Variants in PRUNE2 observed in about 807,000 individuals in gnomAD.
PRUNE2 encodes prune homolog 2 with BCH domain.
In PRUNE2, 164 loss-of-function variants were observed where a neutral mutation model predicts 252.0. The observed-to-expected ratio is 0.65, with a 90% CI of 0.57 to 0.74. PRUNE2 has a LOEUF of 0.74. Ranked by LOEUF, PRUNE2 falls within the 30% of genes least tolerant of loss-of-function variation. The probability of loss-of-function intolerance (pLI) is 0.00; values close to 1 mark genes in which losing one functional copy is unlikely to be tolerated. For synonymous variants in PRUNE2, 1,292 were observed against 1,350.2 expected (o/e 0.96, Z 0.94); for missense variants, 3,495 against 3,711.0 (o/e 0.94, Z 1.51).
Position 76,660,798 on chromosome 9 carries a change from A to AAAAG in PRUNE2, c.8277-5300_8277-5297dup, listed in dbSNP as rs1554669338. Among the ~76,000 whole-genome samples, 335 of 140,934 alleles carry AAAAG rather than the reference A, an allele frequency of 2.4e-3. 2 individuals are homozygous for AAAAG. Among genetic ancestry groups the AAAAG allele is most frequent in the Middle Eastern group, 0.011 (3 of 276 alleles). The allele number at this position is 140,934 out of a possible 152,430, so 92.5% of individuals were successfully genotyped here. A position where few individuals can be genotyped will look rare whatever the true frequency, so the allele number is the denominator to read the frequency against. Reference sequence around the variant, plus strand: ...CTCTGAATCAAAAAAAAAAAAAAAAAAAAGAAAGAAAGAAAGAATCAGATG... The same window carrying AAAAG: ...CTCTGAATCAAAAAAAAAAAAAAAAAAAAGAAAGAAAGAAAGAAAGAATCAGATG... On this transcript the variant is annotated intron_variant, in intron 9 of 18. Coordinates refer to ENST00000376718, the MANE Select transcript of PRUNE2 (RefSeq NM_015225.3).
chr9:76,833,329 G>C (rs10869833), intron 4 of PRUNE2, among the ~76,000 whole-genome samples: 43,208 of 151,724 alleles, frequency 0.28, 6,307 homozygotes, highest in Middle Eastern at 0.4. Flanking sequence ...TATTAATAAA[G>C]AGGAAAAATC....
chr9:76,729,237 T>C (rs1292013098), intron 6 of PRUNE2, among the ~76,000 whole-genome samples: 1 of 152,196 alleles, frequency 6.6e-6, no homozygotes, highest in African/African-American at 2.4e-5. Context: ...CCTCAAACTT[T>C]AGCTGAACTC....
intron 1 of PRUNE2, among the ~76,000 whole-genome samples, chr9:76,887,231 A>G (rs2062156714): frequency 6.6e-6 from 1 of 152,134 alleles, no homozygotes; most frequent in South Asian, 2.1e-4. Flanking sequence ...ATCCCAAATG[A>G]AAACAACCCC....
chr9:76,723,123 G>T (rs182778411), intron 6 of PRUNE2, among the ~76,000 whole-genome samples: 1 of 152,250 alleles, frequency 6.6e-6, no homozygotes, highest in Non-Finnish European at 1.5e-5. Flanking sequence ...GAACTGTAGG[G>T]TGACTGTTAA....
rs149741372 is a variant in PRUNE2 at position 76,796,323 on chromosome 9, G to A, written c.756+27309C>T. Among the ~76,000 whole-genome samples, 675 of 152,184 alleles carry A rather than the reference G, an allele frequency of 4.4e-3. 5 individuals carry two copies. The highest frequency in any genetic ancestry group is 0.027 in the Middle Eastern group (8 of 294). ...ACAAGGGCTGATAAAATAAAGCCTCGCTACGATCATTACCCCAGGGCACAG... is the reference window on the plus strand; with the variant it reads ...ACAAGGGCTGATAAAATAAAGCCTCACTACGATCATTACCCCAGGGCACAG... On this transcript the variant is annotated intron_variant, in intron 6 of 18. Transcript: ENST00000376718.
At chr9:76,654,005 G>A (rs2133330702) in intron 10 of PRUNE2, among the ~76,000 whole-genome samples, 1 of 152,264 alleles carries the variant, frequency 6.6e-6, no homozygotes. Flanking sequence ...CTTTGGCCCT[G>A]GTTCCAGGCA....
intron 9 of PRUNE2, among the ~76,000 whole-genome samples, chr9:76,673,681 C>A (rs1489690094): frequency 2.7e-4 from 41 of 149,280 alleles, no homozygotes; most frequent in Admixed American, 2.3e-3. Context: ...ACGAATCCAG[C>A]AGCACATCAA....
In PRUNE2 at chr9:76,688,435, A is replaced by C. The variant is rs115720251; in HGVS notation, c.8276+14902T>G. ...TTGCTTGCTTATATGAACTTATATCAAGTAACTCACCAAGGCTGCAGGTTC... is the reference window on the plus strand; with the variant it reads ...TTGCTTGCTTATATGAACTTATATCCAGTAACTCACCAAGGCTGCAGGTTC... On this transcript the variant is annotated intron_variant, in intron 9 of 18. Coordinates refer to ENST00000376718, the MANE Select transcript of PRUNE2 (RefSeq NM_015225.3). Among the ~76,000 whole-genome samples, 1,092 of 152,268 alleles carry C rather than the reference A, an allele frequency of 7.2e-3. 12 individuals carry two copies. The highest frequency in any genetic ancestry group is 0.025 in the African/African-American group (1,022 of 41,554).
At chr9:76,630,211 A>G (rs932188294) in intron 15 of PRUNE2, among the ~76,000 whole-genome samples, 1 of 151,472 alleles carries the variant, frequency 6.6e-6, no homozygotes, top group African/African-American at 2.4e-5. Flanking sequence ...TACTTTAAAA[A>G]TATATGTAAA....
intron 6 of PRUNE2, among the ~76,000 whole-genome samples, chr9:76,758,112 A>C (rs1380008376): frequency 6.6e-6 from 1 of 152,240 alleles, no homozygotes; most frequent in Non-Finnish European, 1.5e-5. Flanking sequence ...TACATTATTC[A>C]AAACTTATAA....
At chr9:76,691,275 A>T (rs2044695652) in intron 9 of PRUNE2, among the ~76,000 whole-genome samples, 2 of 152,186 alleles carry the variant, frequency 1.3e-5, no homozygotes, top group South Asian at 4.1e-4. Flanking sequence ...CCTTTCATCC[A>T]CATGGCCAGT....
intron 4 of PRUNE2, among the ~76,000 whole-genome samples, chr9:76,830,080 G>T (rs973711585): frequency 6.6e-6 from 1 of 152,152 alleles, no homozygotes; most frequent in Non-Finnish European, 1.5e-5. Flanking sequence ...ACTTAATTTC[G>T]AACTCAAATG....
chr9:76,875,887 T>C lies in PRUNE2; in HGVS notation c.37-21679A>G, dbSNP rs143580651. Among the ~76,000 whole-genome samples, 499 of 152,292 alleles carry C rather than the reference T, an allele frequency of 3.3e-3. 3 individuals are homozygous for C. The highest frequency in any genetic ancestry group is 0.011 in the African/African-American group (472 of 41,576). On this transcript the variant is annotated intron_variant, in intron 1 of 18. Transcript: ENST00000376718. ...GAGAACATCAAAATCATAGGGTGGGTGCAGAAGGCACCAAGAATAACTGTT... is the reference window on the plus strand; with the variant it reads ...GAGAACATCAAAATCATAGGGTGGGCGCAGAAGGCACCAAGAATAACTGTT...
At chr9:76,828,910 G>A (rs996505900) in intron 4 of PRUNE2, among the ~76,000 whole-genome samples, 4 of 151,646 alleles carry the variant, frequency 2.6e-5, no homozygotes, top group Non-Finnish European at 5.9e-5. Context: ...CCAGCTACTC[G>A]GGAGGCTGAG....
intron 6 of PRUNE2, chr9:76,786,470 T>C (rs2054992260): frequency 6.6e-6 from 1 of 152,376 alleles, no homozygotes; most frequent in Non-Finnish European, 1.5e-5. Context: ...ACCAGTGTCA[T>C]GAGTTGAATT....
At chr9:76,723,952 C>T (rs187784364) in intron 6 of PRUNE2, among the ~76,000 whole-genome samples, 255 of 151,412 alleles carry the variant, frequency 1.7e-3, no homozygotes, top group African/African-American at 5.7e-3. Context: ...GGACTACAGG[C>T]GCCTGCTACC....
intron 1 of PRUNE2, among the ~76,000 whole-genome samples, chr9:76,870,203 C>T (rs1213391243): frequency 6.6e-6 from 1 of 150,766 alleles, no homozygotes; most frequent in East Asian, 1.9e-4. Context: ...AATCTTTTGC[C>T]ATAATAAATA....
At chr9:76,872,558 C>T (rs1434337337) in intron 1 of PRUNE2, among the ~76,000 whole-genome samples, 1 of 150,762 alleles carries the variant, frequency 6.6e-6, no homozygotes, top group East Asian at 2.0e-4. Context: ...TTTCATGATT[C>T]TCATTAAGTT....
chr9:76,855,996 C>T (rs1341300843), intron 1 of PRUNE2, among the ~76,000 whole-genome samples: 1 of 152,226 alleles, frequency 6.6e-6, no homozygotes, highest in Non-Finnish European at 1.5e-5. Context: ...AATGGAATTA[C>T]AGTCTATTAC....
Sources: gnomAD v4.1 joint callset for allele counts (sites outside exome capture counted in the v4.1 genomes callset) on GRCh38, gnomAD v4.1.1 for gene constraint, MANE v1.5 for transcripts, NCBI Gene and HGNC (gene_info 2026-07-23, HGNC 2026-07-21) for gene names.